The following BIVM variants were observed in gnomAD, a reference collection of about 807,000 sequenced individuals.
The protein encoded by BIVM is basic immunoglobulin-like variable motif-containing protein.
In BIVM, 31 loss-of-function variants were observed where a neutral mutation model predicts 61.4. The observed-to-expected ratio is 0.51, with a 90% CI of 0.38 to 0.68. BIVM has a LOEUF of 0.68. Among genes scored for constraint, BIVM ranks in the 30% least tolerant of loss-of-function variants. The probability of loss-of-function intolerance (pLI) is 0.00; values close to 1 mark genes in which losing one functional copy is unlikely to be tolerated. For synonymous variants in BIVM, 189 were observed against 210.7 expected, an observed-to-expected ratio of 0.90 and a Z score of 0.89; for missense variants, 526 against 596.0, an observed-to-expected ratio of 0.88 and a Z score of 1.22.
chr13:102,822,284 C>T (rs1339082113), intron 7 of BIVM, 125 bp downstream of exon 7: 1 of 844,994 alleles, frequency 1.2e-6, no homozygotes, highest in Non-Finnish European at 1.8e-6. Context: ...TATGTAAACC[C>T]TCAGCACAGT....
At position 102,803,435 on chromosome 13, in the gene BIVM, A is replaced by G. The variant is rs796879679; in HGVS notation, c.-206-1872A>G. Among the ~76,000 whole-genome samples the G allele has an allele frequency of 2.5e-3, 376 of 152,214 alleles. 3 individuals carry two copies. The highest frequency in any genetic ancestry group is 8.8e-3 in the African/African-American group (365 of 41,530). On this transcript the variant is annotated intron_variant, in intron 1 of 10. Coordinates refer to ENST00000257336, the MANE Select transcript of BIVM (RefSeq NM_017693.4). ...GGAGAATCTCTTGAATCCAGGAGAC[A>G]GAGGTTGCAGTGAGCTGAGATCCGG...
chr13:102,837,208 G>T (rs900797261), intron 9 of BIVM, among the ~76,000 whole-genome samples: 1 of 152,102 alleles, frequency 6.6e-6, no homozygotes, highest in Admixed American at 6.5e-5. Flanking sequence ...AGCCTGGGAG[G>T]TCGAGGCTGC....
At chr13:102,827,275 CTTT>C (rs34135564) in intron 7 of BIVM, among the ~76,000 whole-genome samples, 2 of 139,362 alleles carry the variant, frequency 1.4e-5, no homozygotes, top group Admixed American at 7.2e-5. Flanking sequence ...GTCCCAATGA[CTTT>C]TTTTTTTTTT....
chr13:102,812,120 T>C (rs1428867701), intron 3 of BIVM, among the ~76,000 whole-genome samples: 1 of 152,150 alleles, frequency 6.6e-6, no homozygotes. Context: ...TTTTCCCATC[T>C]TCAAGGTCAC....
At chr13:102,820,916 AT>A in intron 4 of BIVM, 120 bp from the exon 5 acceptor site, 1 of 854,268 alleles carries the variant, frequency 1.2e-6, no homozygotes, top group Non-Finnish European at 1.8e-6. Flanking sequence ...AAGATTTTAC[AT>A]TGACTTAGGG....
At chr13:102,837,044 T>G (rs1001773380) in intron 9 of BIVM, among the ~76,000 whole-genome samples, 1 of 151,972 alleles carries the variant, frequency 6.6e-6, no homozygotes. Flanking sequence ...TCCCAGCGCT[T>G]AGGTGGGAGG....
At chr13:102,816,615 C>A in intron 4 of BIVM, 61 bp downstream of exon 4, 4 of 1,372,792 alleles carry the variant, frequency 2.9e-6, no homozygotes, top group East Asian at 2.8e-5. Context: ...TTGGCAATAA[C>A]GTAGCAGTTT....
At chr13:102,829,399 T>C (rs1420255761) in intron 7 of BIVM, among the ~76,000 whole-genome samples, 1 of 152,186 alleles carries the variant, frequency 6.6e-6, no homozygotes, top group African/African-American at 2.4e-5. Context: ...TTGGTGGTGG[T>C]TGCTTTGTTG....
intron 8 of BIVM, among the ~76,000 whole-genome samples, chr13:102,834,211 A>G (rs918672956): frequency 1.3e-5 from 2 of 152,106 alleles, no homozygotes; most frequent in Non-Finnish European, 1.5e-5. Context: ...TTTTCCTCCT[A>G]GAATTTTAGA....
chr13:102,818,408 A>C (rs1286608472), intron 4 of BIVM, among the ~76,000 whole-genome samples: 2 of 152,238 alleles, frequency 1.3e-5, no homozygotes, highest in Admixed American at 6.5e-5. Flanking sequence ...ATTTCTTAAC[A>C]AAAGGAACTT....
At chr13:102,815,959 G>A (rs1360763115) in intron 3 of BIVM, among the ~76,000 whole-genome samples, 1 of 152,166 alleles carries the variant, frequency 6.6e-6, no homozygotes, top group East Asian at 1.9e-4. Flanking sequence ...AATGGATCTG[G>A]TGCTTTTACT....
chr13:102,821,715 T>C (rs375594316), intron 5 of BIVM, 28 bp from the exon 6 acceptor site: 54 of 1,603,552 alleles, frequency 3.4e-5, no homozygotes, highest in Non-Finnish European at 4.6e-5. Flanking sequence ...AATTGAAAAA[T>C]GAAAGGCAAT....
chr13:102,839,453 GAAAGTA>G, intron 10 of BIVM, 113 bp from the exon 11 acceptor site: 1 of 1,340,690 alleles, frequency 7.5e-7, no homozygotes, highest in Admixed American at 2.5e-5. Flanking sequence ...TGCCTGGAAG[GAAAGTA>G]CCATTCTGAG....
intron 6 of BIVM, 104 bp from the exon 7 acceptor site, chr13:102,821,961 T>C: frequency 6.6e-7 from 1 of 1,524,504 alleles, no homozygotes; most frequent in Admixed American, 1.7e-5. Flanking sequence ...CAACCTCTCA[T>C]AGGTATACCA....
Position 102,807,160 on chromosome 13 carries a change from G to A in BIVM, c.-108G>A, listed in dbSNP as rs114116619. ...CTTCCTCTTAGGAGCTCATTTTGCA[G>A]CTCTCAAGCTTTTATAGCATGCTGT... is the stretch of plus-strand genomic sequence containing the variant. On this transcript the variant is annotated 5_prime_UTR_variant, in exon 3 of 11. Transcript: ENST00000257336. This position sits in a 1 kb window ranked among gnomAD's most constrained non-coding sequence, Gnocchi z 4.0. The A allele has an allele frequency of 2.7e-4, 325 of 1,201,622 alleles. 1 individual carries two copies. In the African/African-American group the frequency reaches 4.4e-3, roughly 16 times the overall value. The allele number at this position is 1,201,622 out of a possible 1,614,324, so 74.4% of individuals were successfully genotyped here.
Position 102,840,800 on chromosome 13 carries a change from A to C in BIVM, c.*935A>C, listed in dbSNP as rs1881758446. 6.6e-6 allele frequency: 1 copy of C among 152,120 alleles called. No homozygotes were observed. The highest frequency in any genetic ancestry group is 2.1e-4 in the South Asian group (1 of 4,826). 9.4% of individuals were successfully genotyped at this position (152,120 alleles called of 1,614,324 possible). ...TGGTTTGTAATAATCAAATATTGAC[A>C]AGAACCTTAGGTCTCGAAAGACTTT... is the stretch of plus-strand genomic sequence containing the variant. On this transcript the variant is annotated 3_prime_UTR_variant, in exon 11 of 11. Coordinates refer to ENST00000257336, the MANE Select transcript of BIVM (RefSeq NM_017693.4).
chr13:102,821,007 A>G, intron 4 of BIVM, 30 bp from the exon 5 acceptor site: 1 of 1,592,520 alleles, frequency 6.3e-7, no homozygotes, highest in Non-Finnish European at 8.6e-7. Context: ...TGTTCATTCA[A>G]GTGAAGAAAA....
chr13:102,838,742 A>G lies in BIVM; in HGVS notation c.1218+3A>G, dbSNP rs1418919638. 1 of 1,610,996 alleles carries G rather than the reference A, an allele frequency of 6.2e-7. No homozygotes were observed. The highest frequency in any genetic ancestry group is 1.1e-5 in the South Asian group (1 of 90,308). ...TGCAGTATAGAAAAACAAAGAAGGT[A>G]AGAAGAACACCATTGTGTTTGAAGG... On this transcript the variant is annotated splice_donor_region_variant and intron_variant, in intron 10 of 10. Transcript: ENST00000257336.
At chr13:102,813,831 T>C (rs1879668364) in intron 3 of BIVM, among the ~76,000 whole-genome samples, 2 of 152,170 alleles carry the variant, frequency 1.3e-5, no homozygotes, top group South Asian at 4.1e-4. Context: ...AATTTGCTCC[T>C]TACATGCATG....
Sources: gnomAD v4.1 joint callset for allele counts (sites outside exome capture counted in the v4.1 genomes callset) on GRCh38, gnomAD v4.1.1 for gene constraint, Gnocchi (gnomAD v3.1) non-coding constraint, MANE v1.5 for transcripts, NCBI Gene and HGNC (gene_info 2026-07-23, HGNC 2026-07-21) for gene names.